Variants in GTF2I observed in about 807,000 individuals in gnomAD.
GTF2I encodes general transcription factor II-I.
Under a neutral mutation model 67.6 loss-of-function variants are expected in GTF2I, and 12 were observed. The ratio of observed to expected loss-of-function variants is 0.18; its 90% CI spans 0.11 to 0.29. The LOEUF (loss-of-function observed/expected upper bound fraction) is 0.29. Ranked by LOEUF, GTF2I falls within the 10% of genes least tolerant of loss-of-function variation. The probability of loss-of-function intolerance (pLI) is 1.00; values close to 1 mark genes in which losing one functional copy is unlikely to be tolerated. For missense variants in GTF2I, 271 were observed against 580.1 expected, an observed-to-expected ratio of 0.47 and a Z score of 5.47; for synonymous variants, 149 against 197.0, an observed-to-expected ratio of 0.76 and a Z score of 2.04.
intron 1 of GTF2I, among the ~76,000 whole-genome samples, chr7:74,667,291 C>T (rs190308360): frequency 2.4e-4 from 37 of 151,974 alleles, no homozygotes; most frequent in African/African-American, 7.5e-4. Context: ...TACAGTGTAC[C>T]GAGATCTTGC....
chr7:74,698,932 T>C, intron 3 of GTF2I, 29 bp from the exon 4 acceptor site: 1 of 1,145,016 alleles, frequency 8.7e-7, no homozygotes, highest in Non-Finnish European at 1.2e-6. Context: ...ATTATTATTT[T>C]TTTATTTTAT....
At position 74,700,439 on chromosome 7, in the gene GTF2I, C is replaced by T; in HGVS notation, c.557+9C>T. 6.2e-7 allele frequency: 1 copy of T among 1,613,794 alleles called. No homozygotes were observed. Among genetic ancestry groups the T allele is most frequent in the Non-Finnish European group, 8.5e-7 (1 of 1,179,764 alleles). ...TCATTCATCATTAAGAGGTGAAGTG[C>T]TTTCTCCCTTTGTACCCATCAACAG... On this transcript the variant is annotated intron_variant, in intron 5 of 34. Coordinates refer to ENST00000573035, the MANE Select transcript of GTF2I (RefSeq NM_032999.4).
chr7:74,701,669 A>G (rs968504110), intron 6 of GTF2I, among the ~76,000 whole-genome samples: 3 of 152,070 alleles, frequency 2.0e-5, no homozygotes, highest in East Asian at 1.9e-4. Context: ...GGGTTTCACC[A>G]TGTTAGGATG....
At chr7:74,682,325 T>C (rs913144951) in intron 1 of GTF2I, among the ~76,000 whole-genome samples, 1 of 152,142 alleles carries the variant, frequency 6.6e-6, no homozygotes, top group Non-Finnish European at 1.5e-5. Flanking sequence ...AAAACAAAAC[T>C]TTTGTGAAAA....
chr7:74,705,601 A>T (rs920856647), intron 7 of GTF2I, among the ~76,000 whole-genome samples: 1 of 145,312 alleles, frequency 6.9e-6, no homozygotes, highest in East Asian at 2.0e-4. Flanking sequence ...CTTTTTGCCC[A>T]TGCTAGAGTG....
chr7:74,668,331 TTGTGTGTG>T (rs71094802), intron 1 of GTF2I, among the ~76,000 whole-genome samples: 29 of 147,616 alleles, frequency 2.0e-4, no homozygotes, highest in South Asian at 2.1e-4. Flanking sequence ...GCAAAGCCCA[TTGTGTGTG>T]TGTGTGTGTG....
intron 15 of GTF2I, 46 bp downstream of exon 15, chr7:74,732,708 A>G (rs1554407003): frequency 3.3e-6 from 5 of 1,531,072 alleles, no homozygotes; most frequent in Non-Finnish European, 3.5e-6. Flanking sequence ...TTTTCTGAGT[A>G]ATACGTCTTT....
At chr7:74,669,147 G>A (rs1235588944) in intron 1 of GTF2I, among the ~76,000 whole-genome samples, 2 of 151,710 alleles carry the variant, frequency 1.3e-5, no homozygotes, top group Non-Finnish European at 2.9e-5. Context: ...GGAAAATACT[G>A]GCATGGGCAA....
chr7:74,662,096 C>T (rs1554386812), intron 1 of GTF2I, among the ~76,000 whole-genome samples: 1 of 150,530 alleles, frequency 6.6e-6, no homozygotes, highest in African/African-American at 2.4e-5. Context: ...TCAGCTTACT[C>T]AAATATGACT....
chr7:74,753,350 A>G (rs1301189395), intron 29 of GTF2I, among the ~76,000 whole-genome samples, 173 bp downstream of exon 29: 3 of 152,184 alleles, frequency 2.0e-5, no homozygotes, highest in African/African-American at 7.2e-5. Context: ...GTGTTACACT[A>G]TTGATTGTCA....
chr7:74,686,490 A>G (rs1554395559), intron 1 of GTF2I, among the ~76,000 whole-genome samples: 1 of 152,226 alleles, frequency 6.6e-6, no homozygotes. Context: ...TAAAATGAGA[A>G]CACATCTCTG....
At position 74,706,404 on chromosome 7, in the gene GTF2I, A is replaced by G; in HGVS notation, c.656A>G (p.Lys219Arg). The change falls in exon 8 of 35, where the codon AAA (lysine) becomes AGA (arginine). Residue 219 changes from lysine (K) to arginine (R), a missense_variant. By Grantham distance (26) the Lys-to-Arg change is conservative. Around this residue, in one of 9 missense-constraint regions of GTF2I, gnomAD observed 124 missense variants for 147.0 expected, o/e 0.84. Transcript: ENST00000573035. ...LSPGGSCGPI[K>R]VKTEPTEDSG... ...TCTCCTTGCAGTTGTGGCCCCATCA[A>G]AGTGAAAACTGAACCCACAGAAGAT... 6.2e-7 allele frequency: 1 copy of G among 1,613,794 alleles called. No individual in the cohort carries two copies. Among genetic ancestry groups the G allele is most frequent in the Non-Finnish European group, 8.5e-7 (1 of 1,179,704 alleles).
chr7:74,658,878 A>G (rs1243824979), intron 1 of GTF2I, among the ~76,000 whole-genome samples: 2 of 152,040 alleles, frequency 1.3e-5, no homozygotes, highest in Non-Finnish European at 2.9e-5. Flanking sequence ...AAGAAGGAAA[A>G]TGAAATGGAA....
At chr7:74,667,781 G>A (rs1805109958) in intron 1 of GTF2I, among the ~76,000 whole-genome samples, 1 of 151,620 alleles carries the variant, frequency 6.6e-6, no homozygotes, top group Admixed American at 6.6e-5. Flanking sequence ...GCCTCCCAAA[G>A]TGCTGGGATT....
chr7:74,678,068 T>C (rs1806067358), intron 1 of GTF2I, among the ~76,000 whole-genome samples: 1 of 152,084 alleles, frequency 6.6e-6, no homozygotes, highest in African/African-American at 2.4e-5. Context: ...TCTCTCTCTC[T>C]TTAATGGACA....
At position 74,753,072 on chromosome 7, in the gene GTF2I, G is replaced by C. The variant is rs782294097; in HGVS notation, c.2558-22G>C. On this transcript the variant is annotated intron_variant, in intron 28 of 34. Coordinates refer to ENST00000573035, the MANE Select transcript of GTF2I (RefSeq NM_032999.4). ...AAAAAAAAGCAGTATTTAAGTTTTG[G>C]GTTTTCTCTGAACTGTTTCAGATGA... The C allele has an allele frequency of 8.7e-6, 14 of 1,600,116 alleles. No homozygotes were observed. The East Asian group carries it at 2.9e-4, about 33-fold the overall frequency.
intron 1 of GTF2I, among the ~76,000 whole-genome samples, chr7:74,678,310 T>C (rs1448156970): frequency 6.7e-6 from 1 of 149,678 alleles, no homozygotes; most frequent in Non-Finnish European, 1.5e-5. Flanking sequence ...CCAGGGACAA[T>C]ATCCTAGTGG....
In GTF2I at chr7:74,691,845, C is replaced by T. The variant is rs1310806810; in HGVS notation, c.238+734C>T. ...GGGCTGGAGTGCAATGGCACGATCT[C>T]GGCTCATTGCAACCTCCACCTCCCA... On this transcript the variant is annotated intron_variant, in intron 3 of 34. Coordinates refer to ENST00000573035, the MANE Select transcript of GTF2I (RefSeq NM_032999.4). 2.0e-5 allele frequency among the ~76,000 whole-genome samples: 3 copies of T among 151,708 alleles called. 1 individual carries two copies. The highest frequency in any genetic ancestry group is 2.9e-5 in the Non-Finnish European group (2 of 67,962).
intron 11 of GTF2I, 62 bp downstream of exon 11, chr7:74,717,012 G>T: frequency 6.5e-7 from 1 of 1,548,628 alleles, no homozygotes. Context: ...CTATTTTATA[G>T]ATTCTATTAT....
Sources: gnomAD v4.1 joint callset for allele counts (sites outside exome capture counted in the v4.1 genomes callset) on GRCh38, gnomAD v4.1.1 for gene constraint, gnomAD v4.1.1 regional missense constraint, MANE v1.5 for transcripts, NCBI Gene and HGNC (gene_info 2026-07-23, HGNC 2026-07-21) for gene names.